The following GPHN variants were observed in gnomAD, a reference collection of about 807,000 sequenced individuals.
GPHN encodes the protein gephyrin.
GPHN carries 17 observed loss-of-function variants against 95.5 expected under a neutral mutation model. The ratio of observed to expected loss-of-function variants is 0.18; its 90% CI spans 0.12 to 0.27. The LOEUF is 0.27. Among genes scored for constraint, GPHN ranks in the 10% least tolerant of loss-of-function variants. The probability of loss-of-function intolerance (pLI) is 1.00; values close to 1 mark genes in which losing one functional copy is unlikely to be tolerated. For synonymous variants in GPHN, 320 were observed against 322.5 expected (o/e 0.99, Z 0.08); for missense variants, 660 against 978.1 (o/e 0.67, Z 4.34).
chr14:67,545,418 C>A, the GPHN span, among the ~76,000 whole-genome samples: 1 of 151,982 alleles, frequency 6.6e-6, no homozygotes, highest in Non-Finnish European at 1.5e-5. Flanking sequence ...GTCTTTAAGT[C>A]TAGACTAATA....
intron 1 of GPHN, among the ~76,000 whole-genome samples, chr14:66,572,686 T>G (rs1038594523): frequency 1.6e-4 from 24 of 152,276 alleles, no homozygotes; most frequent in African/African-American, 5.5e-4. Flanking sequence ...TTTCTATACA[T>G]AAGATGCTGT....
the GPHN span, chr14:67,695,718 G>A: frequency 1.2e-6 from 2 of 1,613,318 alleles, no homozygotes; most frequent in Non-Finnish European, 1.7e-6. Context: ...GCCGGCTGCA[G>A]CGGCACCAGA....
chr14:67,525,103 T>C, the GPHN span, among the ~76,000 whole-genome samples: 1 of 152,340 alleles, frequency 6.6e-6, no homozygotes, highest in South Asian at 2.1e-4. Flanking sequence ...TCATACTCCT[T>C]GTAAAATGCT....
intron 5 of GPHN, among the ~76,000 whole-genome samples, chr14:66,889,869 C>T (rs1478116180): frequency 1.3e-5 from 2 of 151,490 alleles, no homozygotes; most frequent in African/African-American, 4.9e-5. Context: ...AAAATTTTAG[C>T]TAGATAGACT....
chr14:67,690,005 G>A, the GPHN span: 1 of 552,052 alleles, frequency 1.8e-6, no homozygotes, highest in Non-Finnish European at 3.3e-6. Context: ...AGTAAAGCCA[G>A]GCCTTCAGAC....
At chr14:66,551,320 A>G (rs1326804734) in intron 1 of GPHN, 1 of 151,980 alleles carries the variant, frequency 6.6e-6, no homozygotes, top group African/African-American at 2.4e-5. Context: ...CAGTAACACT[A>G]CTCTTTCCTT....
intron 8 of GPHN, among the ~76,000 whole-genome samples, chr14:66,944,858 A>G (rs1490655766): frequency 2.6e-5 from 4 of 152,236 alleles, no homozygotes; most frequent in Admixed American, 1.3e-4. Flanking sequence ...GCCTGCCATT[A>G]GGCACCCTTG....
At chr14:66,617,968 T>A (rs75667154) in intron 1 of GPHN, among the ~76,000 whole-genome samples, 1,851 of 152,308 alleles carry the variant, frequency 0.012, 25 homozygotes, top group Non-Finnish European at 0.018. Flanking sequence ...TGTTTTTGGC[T>A]TGTGTTGATA....
At chr14:67,420,623 C>T in the GPHN span, among the ~76,000 whole-genome samples, 14 of 152,144 alleles carry the variant, frequency 9.2e-5, no homozygotes, top group African/African-American at 3.4e-4. Flanking sequence ...ATTGAGGCAT[C>T]CCACCCTTGC....
intron 11 of GPHN, chr14:67,058,989 G>T: frequency 7.5e-6 from 3 of 401,024 alleles, no homozygotes; most frequent in Non-Finnish European, 1.3e-5. Context: ...TAAAATCCAT[G>T]AAACTGCCTT....
chr14:67,646,706 TA>T, the GPHN span: 2 of 1,613,890 alleles, frequency 1.2e-6, no homozygotes, highest in African/African-American at 1.3e-5. Flanking sequence ...GTATTGTGTA[TA>T]TTGGTCTGAG....
intron 5 of GPHN, among the ~76,000 whole-genome samples, chr14:66,907,219 A>T (rs1430878606): frequency 6.6e-6 from 1 of 152,188 alleles, no homozygotes; most frequent in Non-Finnish European, 1.5e-5. Flanking sequence ...ATTATGCTGC[A>T]TCCATACAAT....
the GPHN span, chr14:67,572,358 A>T: frequency 9.7e-7 from 1 of 1,033,200 alleles, no homozygotes; most frequent in South Asian, 1.5e-5. Context: ...AGACATAGGC[A>T]GTAGCTGCCT....
At chr14:67,144,837 A>G (rs1345832885) in intron 18 of GPHN, among the ~76,000 whole-genome samples, 1 of 152,234 alleles carries the variant, frequency 6.6e-6, no homozygotes, top group Non-Finnish European at 1.5e-5. Flanking sequence ...GCCTTTCAGA[A>G]TAGCACTGCA....
chr14:66,728,029 G>T lies in GPHN; in HGVS notation c.143+46844G>T, dbSNP rs185140475. 6.5e-3 allele frequency among the ~76,000 whole-genome samples: 984 copies of T among 152,234 alleles called. 14 individuals are homozygous for T. Among genetic ancestry groups the T allele is most frequent in the African/African-American group, 0.022 (931 of 41,560 alleles). On this transcript the variant is annotated intron_variant, in intron 2 of 22. Transcript: ENST00000478722. ...ATTGTGTGCAGTCTAGGGACTTGGT[G>T]CCCTGTGTTCCAACCACTTTAGCCA... is the stretch of plus-strand genomic sequence containing the variant.
the GPHN span, among the ~76,000 whole-genome samples, chr14:67,635,071 C>A: frequency 6.6e-6 from 1 of 151,514 alleles, no homozygotes; most frequent in Admixed American, 6.6e-5. Flanking sequence ...ATGGCGAAAT[C>A]TTGTCTCTAC....
rs186168048 is a variant in GPHN at position 66,788,351 on chromosome 14, A to G, written c.201+11830A>G. The stretch of plus-strand genomic sequence containing the variant: ...CAAGACAACAGTTAATCTATGAATG[A>G]CAAAATATTGACAAATCATGTTTTT... On this transcript the variant is annotated intron_variant, in intron 3 of 22. Coordinates refer to ENST00000478722, the MANE Select transcript of GPHN (RefSeq NM_020806.5). Among the ~76,000 whole-genome samples, 9 of 152,358 alleles carry G rather than the reference A, an allele frequency of 5.9e-5. No individual in the cohort carries two copies. In the East Asian group the frequency reaches 9.6e-4, roughly 16 times the overall value.
At chr14:67,693,865 G>A in the GPHN span, among the ~76,000 whole-genome samples, 1 of 152,032 alleles carries the variant, frequency 6.6e-6, no homozygotes, top group Non-Finnish European at 1.5e-5. Flanking sequence ...TGGCCAGGAT[G>A]GTCTCGAACT....
chr14:67,576,342 G>GC, the GPHN span: 1 of 1,015,220 alleles, frequency 9.9e-7, no homozygotes, highest in Non-Finnish European at 1.5e-6. This position sits in a 1 kb window ranked among gnomAD's most constrained non-coding sequence, Gnocchi z 4.0. Context: ...TGGAGCTCTT[G>GC]CCTCCACTCT....
Sources: allele counts gnomAD v4.1 joint callset (sites outside exome capture counted in the v4.1 genomes callset), GRCh38; gene constraint gnomAD v4.1.1; non-coding constraint Gnocchi (gnomAD v3.1); transcripts MANE v1.5; gene names NCBI Gene and HGNC (gene_info 2026-07-23, HGNC 2026-07-21).